Variants in KLF15 observed in about 807,000 individuals in gnomAD.
The protein encoded by KLF15 is KLF transcription factor 15.
Under a neutral mutation model 24.6 loss-of-function variants are expected in KLF15, and 4 were observed. The observed-to-expected ratio is 0.16, with a 90% CI of 0.08 to 0.37. KLF15 has a LOEUF of 0.37. Among genes scored for constraint, KLF15 ranks in the 10% least tolerant of loss-of-function variants. KLF15 has a pLI of 1.00. For synonymous variants in KLF15, 246 were observed against 236.3 expected (o/e 1.04, Z -0.37); for missense variants, 496 against 560.6 (o/e 0.88, Z 1.16).
chr3:126,329,657 C>G, the KLF15 span, among the ~76,000 whole-genome samples: 1 of 151,266 alleles, frequency 6.6e-6, no homozygotes, highest in Non-Finnish European at 1.5e-5. Context: ...GAATCAAGTC[C>G]CATTTTTTAA....
At chr3:126,331,662 A>C in the KLF15 span, among the ~76,000 whole-genome samples, 3 of 152,200 alleles carry the variant, frequency 2.0e-5, no homozygotes, top group Non-Finnish European at 2.9e-5. Flanking sequence ...TCCCAGCGTG[A>C]GCGACGCAGA....
At chr3:126,312,281 C>G in the KLF15 span, among the ~76,000 whole-genome samples, 1 of 152,182 alleles carries the variant, frequency 6.6e-6, no homozygotes, top group South Asian at 2.1e-4. Flanking sequence ...TCAAGGGATC[C>G]TCCCACTTCA....
At chr3:126,336,822 A>G in the KLF15 span, among the ~76,000 whole-genome samples, 353 of 31,522 alleles carry the variant, frequency 0.011, 1 homozygote, top group Middle Eastern at 0.05. Context: ...AACACATGAA[A>G]AAATGCTCAT....
chr3:126,288,631 T>C, the KLF15 span, among the ~76,000 whole-genome samples: 1 of 152,216 alleles, frequency 6.6e-6, no homozygotes, highest in African/African-American at 2.4e-5. Flanking sequence ...TAGTCCTCCC[T>C]GGACAGAGGG....
At chr3:126,290,789 T>A in the KLF15 span, 1 of 152,210 alleles carries the variant, frequency 6.6e-6, no homozygotes, top group Admixed American at 6.5e-5. Flanking sequence ...TCACTTTACA[T>A]ATTATTTGGC....
At chr3:126,340,988 G>A (rs75804298), downstream of KLF15, among the ~76,000 whole-genome samples, 960 of 152,308 alleles carry the variant, frequency 6.3e-3, 13 homozygotes, top group African/African-American at 0.021. Context: ...GCTGTTGCCC[G>A]GGGCCTTTCA....
At chr3:126,331,533 A>C in the KLF15 span, among the ~76,000 whole-genome samples, 1 of 152,206 alleles carries the variant, frequency 6.6e-6, no homozygotes, top group East Asian at 1.9e-4. Context: ...TCACCCTCCA[A>C]AAACCTACTT....
chr3:126,306,302 G>A, the KLF15 span, among the ~76,000 whole-genome samples: 1 of 152,072 alleles, frequency 6.6e-6, no homozygotes, highest in East Asian at 1.9e-4. Context: ...CTTGACAACT[G>A]GGGAAAAGAA....
chr3:126,306,628 G>A, the KLF15 span, among the ~76,000 whole-genome samples: 64,232 of 152,124 alleles, frequency 0.42, 13,834 homozygotes, highest in African/African-American at 0.46. Context: ...ATACATATAC[G>A]CATGCATGTG....
At position 126,356,779 on chromosome 3, in the gene KLF15, A is replaced by C. The variant is rs1212663166; in HGVS notation, c.-26+458T>G. Among the ~76,000 whole-genome samples, 5 of 151,806 alleles carry C rather than the reference A, an allele frequency of 3.3e-5. No individual in the cohort carries two copies. Among genetic ancestry groups the C allele is most frequent in the African/African-American group, 7.3e-5 (3 of 41,304 alleles). Reference sequence around the variant, plus strand: ...AGTCCTGGACCGCTGCCCGCTGGGCACCATGCCCTCGTCCCACGCCCCCCC... The same window carrying C: ...AGTCCTGGACCGCTGCCCGCTGGGCCCCATGCCCTCGTCCCACGCCCCCCC... On this transcript the variant is annotated intron_variant, in intron 1 of 2. Transcript: ENST00000296233. This position sits in a 1 kb window ranked among gnomAD's most constrained non-coding sequence, Gnocchi z 4.4.
At chr3:126,293,688 G>A in the KLF15 span, among the ~76,000 whole-genome samples, 1 of 152,162 alleles carries the variant, frequency 6.6e-6, no homozygotes, top group Non-Finnish European at 1.5e-5. Context: ...TGCAGTATTT[G>A]TTCCTAAATC....
the KLF15 span, among the ~76,000 whole-genome samples, chr3:126,321,501 G>C: frequency 6.6e-6 from 1 of 152,244 alleles, no homozygotes; most frequent in Admixed American, 6.5e-5. Flanking sequence ...GAGGTATAGG[G>C]ACCACACATG....
At chr3:126,292,325 C>T in the KLF15 span, among the ~76,000 whole-genome samples, 1 of 152,200 alleles carries the variant, frequency 6.6e-6, no homozygotes, top group African/African-American at 2.4e-5. Flanking sequence ...CCATTCCCCA[C>T]AGACTCAGCC....
At chr3:126,316,385 G>A in the KLF15 span, among the ~76,000 whole-genome samples, 1 of 149,878 alleles carries the variant, frequency 6.7e-6, no homozygotes, top group Non-Finnish European at 1.5e-5. Flanking sequence ...GGAGTCCACC[G>A]GCTGGAGCAG....
At chr3:126,355,691 C>T (rs1439482272) in intron 1 of KLF15, among the ~76,000 whole-genome samples, 1 of 152,254 alleles carries the variant, frequency 6.6e-6, no homozygotes. Context: ...ATCCCAGAGT[C>T]TAAAACAGGA....
the KLF15 span, among the ~76,000 whole-genome samples, chr3:126,295,130 A>G: frequency 3.3e-5 from 5 of 152,246 alleles, no homozygotes; most frequent in Non-Finnish European, 7.3e-5. Context: ...ATGCATATAC[A>G]TACATATACA....
the KLF15 span, among the ~76,000 whole-genome samples, chr3:126,320,923 C>T: frequency 2.0e-5 from 3 of 152,138 alleles, no homozygotes; most frequent in African/African-American, 7.2e-5. Flanking sequence ...ACACCCTCAG[C>T]TGCAGGGTCA....
the KLF15 span, among the ~76,000 whole-genome samples, chr3:126,317,941 G>C: frequency 1.3e-5 from 2 of 152,150 alleles, no homozygotes; most frequent in African/African-American, 2.4e-5. Context: ...ACTAACATAC[G>C]TTGGTGACTC....
chr3:126,339,323 T>A (rs2082462131), downstream of KLF15, among the ~76,000 whole-genome samples: 1 of 152,206 alleles, frequency 6.6e-6, no homozygotes. Flanking sequence ...ATCTTTTGTT[T>A]TCTTGCAATC....
Sources: gnomAD v4.1 joint callset for allele counts (sites outside exome capture counted in the v4.1 genomes callset) on GRCh38, gnomAD v4.1.1 for gene constraint, Gnocchi (gnomAD v3.1) non-coding constraint, MANE v1.5 for transcripts, NCBI Gene and HGNC (gene_info 2026-07-23, HGNC 2026-07-21) for gene names.